The following ATXN7 variants were observed in gnomAD, a reference collection of about 807,000 sequenced individuals.
ATXN7 encodes ataxin 7.
ATXN7 carries 12 observed loss-of-function variants against 70.5 expected under a neutral mutation model. That is an observed-to-expected ratio of 0.17 (90% CI 0.11 to 0.28). The LOEUF is 0.28. Ranked by LOEUF, ATXN7 falls within the 10% of genes least tolerant of loss-of-function variation. The probability of loss-of-function intolerance (pLI) is 1.00; values close to 1 mark genes in which losing one functional copy is unlikely to be tolerated. For synonymous variants in ATXN7, 498 were observed against 448.7 expected (o/e 1.11, Z -1.39); for missense variants, 1,256 against 1,131.7 (o/e 1.11, Z -1.58).
intron 4 of ATXN7, among the ~76,000 whole-genome samples, chr3:63,944,519 A>T (rs1320889545): frequency 6.6e-6 from 1 of 152,254 alleles, no homozygotes; most frequent in Admixed American, 6.5e-5. Context: ...CCTGGGCAGG[A>T]TGGAGTGGGA....
intron 6 of ATXN7, 67 bp from the exon 7 acceptor site, chr3:63,982,119 G>C: frequency 6.2e-7 from 1 of 1,603,004 alleles, no homozygotes; most frequent in East Asian, 2.2e-5. Flanking sequence ...CATCCCTCTG[G>C]CTCACCATTC....
At position 63,866,242 on chromosome 3, in the gene ATXN7, C is replaced by T. The variant is rs1271067011; in HGVS notation, c.-111+2084C>T. ...GAGCTGTACCTGAAAATAAACATTC[C>T]TGAAAGTTATTTTATTTTTTTTTGA... is the stretch of plus-strand genomic sequence containing the variant. On this transcript the variant is annotated intron_variant, in intron 1 of 12. Coordinates refer to ENST00000674280, the MANE Select transcript of ATXN7 (RefSeq NM_001377405.1). 2.0e-5 allele frequency among the ~76,000 whole-genome samples: 3 copies of T among 152,014 alleles called. No individual in the cohort carries two copies. In the South Asian group the frequency reaches 6.2e-4, roughly 31 times the overall value.
Position 63,925,254 on chromosome 3 carries a change from A to G in ATXN7, c.394+12029A>G, listed in dbSNP as rs147087968. 8.5e-5 allele frequency among the ~76,000 whole-genome samples: 13 copies of G among 152,274 alleles called. No homozygotes were observed. The East Asian group carries it at 2.5e-3, about 29-fold the overall frequency. ...CCTTTTTAAGTATCCAGTCAAGGAT[A>G]CAGGGATACAGCCAAGTAACAACAG... On this transcript the variant is annotated intron_variant, in intron 4 of 12. Coordinates refer to ENST00000674280, the MANE Select transcript of ATXN7 (RefSeq NM_001377405.1).
chr3:63,891,079 G>C (rs1028932475), intron 1 of ATXN7, among the ~76,000 whole-genome samples: 1 of 151,862 alleles, frequency 6.6e-6, no homozygotes. Context: ...GCACCATCTC[G>C]GCTCACTGCA....
rs920995803 is a variant in ATXN7, at chr3:63,999,840, G to A, written c.*373G>A. On this transcript the variant is annotated 3_prime_UTR_variant, in exon 13 of 13. Transcript: ENST00000674280. The stretch of plus-strand genomic sequence containing the variant: ...TGGGCAAAAGAATGTTTTGGCAAGA[G>A]CGTTACTGTAGACCTTTCTCCCTCC... 2.6e-6 allele frequency: 1 copy of A among 392,098 alleles called. No individual in the cohort carries two copies. Among genetic ancestry groups the A allele is most frequent in the African/African-American group, 2.0e-5 (1 of 49,296 alleles). 24.3% of individuals were successfully genotyped at this position (392,098 alleles called of 1,614,324 possible).
intron 2 of ATXN7, chr3:63,911,531 G>T (rs1381138883): frequency 1.3e-5 from 2 of 152,162 alleles, no homozygotes; most frequent in Non-Finnish European, 2.9e-5. Flanking sequence ...AAATGAATCA[G>T]ATTTTTACTT....
At chr3:63,901,256 TA>T (rs1703631252) in intron 2 of ATXN7, 1 of 152,230 alleles carries the variant, frequency 6.6e-6, no homozygotes, top group Non-Finnish European at 1.5e-5. Flanking sequence ...TTCTCATACT[TA>T]TGTTTTGGTT....
intron 1 of ATXN7, among the ~76,000 whole-genome samples, chr3:63,882,298 T>G (rs1248121713): frequency 6.6e-6 from 1 of 152,196 alleles, no homozygotes; most frequent in Non-Finnish European, 1.5e-5. Context: ...CGTGCAACAT[T>G]TACACAGTGC....
chr3:63,996,642 G>A (rs1441434066), intron 12 of ATXN7, 159 bp downstream of exon 12: 5 of 740,868 alleles, frequency 6.7e-6, no homozygotes, highest in South Asian at 4.4e-5. Flanking sequence ...AAAAAAAAAA[G>A]GTTCACGGCC....
intron 1 of ATXN7, among the ~76,000 whole-genome samples, chr3:63,876,521 C>T (rs1320652343): frequency 1.3e-5 from 2 of 152,126 alleles, no homozygotes; most frequent in Admixed American, 6.5e-5. Flanking sequence ...CCAAGATTCC[C>T]TGTTAATATA....
At position 63,999,880 on chromosome 3, in the gene ATXN7, ATTTTT is replaced by A. The variant is rs3836529; in HGVS notation, c.*418_*422del. The A allele has an allele frequency of 4.0e-6, 1 of 252,762 alleles. No homozygotes were observed. Among genetic ancestry groups the A allele is most frequent in the Non-Finnish European group, 7.7e-6 (1 of 129,428 alleles). The allele number at this position is 252,762 out of a possible 1,614,324, so 15.7% of individuals were successfully genotyped here. ...TTTCTCCCTCCTTCCTTTTACTACC[ATTTTT>A]TTTTAACACTGTCATCTGTAGGTCA... On this transcript the variant is annotated 3_prime_UTR_variant, in exon 13 of 13. Coordinates refer to ENST00000674280, the MANE Select transcript of ATXN7 (RefSeq NM_001377405.1).
At chr3:63,992,402 C>T (rs1045707873) in intron 11 of ATXN7, among the ~76,000 whole-genome samples, 1 of 152,138 alleles carries the variant, frequency 6.6e-6, no homozygotes. Flanking sequence ...TTTTCCACAC[C>T]AGAACTCCCT....
At chr3:63,894,819 C>G (rs1017023157) in intron 1 of ATXN7, among the ~76,000 whole-genome samples, 1 of 152,164 alleles carries the variant, frequency 6.6e-6, no homozygotes, top group African/African-American at 2.4e-5. Flanking sequence ...CCACTGTGCC[C>G]CAGCCTCAAC....
chr3:63,962,164 G>C (rs978504511), intron 5 of ATXN7, among the ~76,000 whole-genome samples: 1 of 152,096 alleles, frequency 6.6e-6, no homozygotes. Flanking sequence ...CATTTTGTAT[G>C]TAGAAATCCC....
intron 11 of ATXN7, among the ~76,000 whole-genome samples, chr3:63,992,124 CATTT>C (rs1312605267): frequency 6.6e-6 from 1 of 152,186 alleles, no homozygotes; most frequent in East Asian, 1.9e-4. Context: ...CCAGTACATT[CATTT>C]GACTCCCTGC....
Position 63,987,455 on chromosome 3 carries a change from T to C in ATXN7, c.1096-604T>C, listed in dbSNP as rs532230004. On this transcript the variant is annotated intron_variant, in intron 8 of 12. Coordinates refer to ENST00000674280, the MANE Select transcript of ATXN7 (RefSeq NM_001377405.1). ...CTCCCTTCCTGTTCATAGCATTTCT[T>C]CTCAGCCTCATCTTCTGTCCAGTGC... 2.0e-5 allele frequency among the ~76,000 whole-genome samples: 3 copies of C among 152,334 alleles called. No individual in the cohort carries two copies. The East Asian group carries it at 5.8e-4, about 29-fold the overall frequency.
At chr3:63,997,560 C>T in intron 12 of ATXN7, 1 of 1,436,638 alleles carries the variant, frequency 7.0e-7, no homozygotes, top group Non-Finnish European at 9.6e-7. Context: ...GTAGCTGTTT[C>T]TTCCAGCTTC....
chr3:63,948,606 A>G (rs1426151019), intron 4 of ATXN7, among the ~76,000 whole-genome samples: 1 of 152,190 alleles, frequency 6.6e-6, no homozygotes, highest in Non-Finnish European at 1.5e-5. Context: ...CAAAGTCCTC[A>G]AAATGGAGAT....
At chr3:63,919,478 T>C (rs1317492702) in intron 4 of ATXN7, among the ~76,000 whole-genome samples, 1 of 152,200 alleles carries the variant, frequency 6.6e-6, no homozygotes. Flanking sequence ...AATCCGTTAG[T>C]CTTAAACCAA....
Sources: gnomAD v4.1 joint callset for allele counts (sites outside exome capture counted in the v4.1 genomes callset) on GRCh38, gnomAD v4.1.1 for gene constraint, MANE v1.5 for transcripts, NCBI Gene and HGNC (gene_info 2026-07-23, HGNC 2026-07-21) for gene names.